XXYLT1: variants seen among roughly 807,000 people sequenced by gnomAD.
The protein encoded by XXYLT1 is xyloside xylosyltransferase 1.
XXYLT1 carries 20 observed loss-of-function variants against 28.9 expected under a neutral mutation model. The ratio of observed to expected loss-of-function variants is 0.69; its 90% confidence interval spans 0.49 to 1.00. The LOEUF (loss-of-function observed/expected upper bound fraction) is 1.00. Among genes scored for constraint, XXYLT1 ranks in the 50% least tolerant of loss-of-function variants. The probability of loss-of-function intolerance (pLI) is 0.00; values close to 1 mark genes in which losing one functional copy is unlikely to be tolerated. For synonymous variants in XXYLT1, 257 were observed against 253.8 expected (o/e 1.01, Z -0.12); for missense variants, 542 against 560.1 (o/e 0.97, Z 0.33).
intron 3 of XXYLT1, among the ~76,000 whole-genome samples, chr3:195,106,721 G>A (rs1350624524): frequency 1.3e-5 from 2 of 152,232 alleles, no homozygotes; most frequent in Admixed American, 6.5e-5. Flanking sequence ...GTCATCAGGA[G>A]CCAAGTCCTC....
Position 195,270,940 on chromosome 3 carries a change from T to C in XXYLT1, c.119A>G (p.Tyr40Cys). 5.4e-6 allele frequency: 8 copies of C among 1,486,470 alleles called. No individual in the cohort carries two copies. Among genetic ancestry groups the C allele is most frequent in the Non-Finnish European group, 7.1e-6 (8 of 1,120,846 alleles). The allele number at this position is 1,486,470 out of a possible 1,614,324, so 92.1% of individuals were successfully genotyped here. The part of the protein sequence containing the change: ...AAALAVCAFY[Y>C]LGSGRETFSS... ...GAAGGTCTCCCGGCCTGAGCCGAGG[T>C]AGTAGAAGGCGCAGACGGCCAGCGC... The change falls in exon 1 of 4, where the codon TAC becomes TGC. Residue 40 changes from tyrosine (Y) to cysteine (C), a missense_variant. Tyr to Cys is a radical substitution (Grantham distance 194). Coordinates refer to ENST00000310380, the MANE Select transcript of XXYLT1 (RefSeq NM_152531.5).
chr3:195,172,325 G>C (rs1354954393), intron 2 of XXYLT1, among the ~76,000 whole-genome samples: 2 of 152,164 alleles, frequency 1.3e-5, no homozygotes, highest in East Asian at 3.8e-4. Flanking sequence ...TTTCGCTCAG[G>C]AGGAAAAACA....
At chr3:195,216,530 A>T (rs1723582683) in intron 2 of XXYLT1, among the ~76,000 whole-genome samples, 2 of 148,732 alleles carry the variant, frequency 1.3e-5, no homozygotes, top group Non-Finnish European at 3.0e-5. Flanking sequence ...AATACTACAA[A>T]CACCTCTACG....
chr3:195,096,179 C>T (rs1467076026), intron 3 of XXYLT1: 2 of 152,236 alleles, frequency 1.3e-5, no homozygotes, highest in African/African-American at 4.8e-5. Flanking sequence ...CAGAAAAGTA[C>T]ACTGTCTCAA....
In XXYLT1 at chr3:195,110,858, A is replaced by AGT. The variant is rs571994587; in HGVS notation, c.786-40749_786-40748dup. 0.017 allele frequency among the ~76,000 whole-genome samples: 197 copies of AGT among 11,896 alleles called. 10 individuals carry two copies. The South Asian group carries it at 0.25, about 15-fold the overall frequency. The allele number at this position is 11,896 out of a possible 152,430, so 7.8% of individuals were successfully genotyped here. A position where few individuals can be genotyped will look rare whatever the true frequency, so the allele number is the denominator to read the frequency against. ...TGTGGTGTGTTGTGTGTGTTGTATAAGTGTGTGTGTGGTGTGTGGTGTATG... is the reference window on the plus strand; with the variant it reads ...TGTGGTGTGTTGTGTGTGTTGTATAAGTGTGTGTGTGTGGTGTGTGGTGTATG... On this transcript the variant is annotated intron_variant, in intron 3 of 3. Transcript: ENST00000310380.
chr3:195,150,870 TCTCTCC>T lies in XXYLT1; in HGVS notation c.785+5573_785+5578del, dbSNP rs149849737. Among the ~76,000 whole-genome samples, 191 of 86,990 alleles carry T rather than the reference TCTCTCC, an allele frequency of 2.2e-3. 1 individual carries two copies. In the East Asian group the frequency reaches 0.07, roughly 32 times the overall value. 57.1% of individuals were successfully genotyped at this position (86,990 alleles called of 152,430 possible). A position where few individuals can be genotyped will look rare whatever the true frequency, so the allele number is the denominator to read the frequency against. On this transcript the variant is annotated intron_variant, in intron 3 of 3. Transcript: ENST00000310380. This position sits in a 1 kb window ranked among gnomAD's most constrained non-coding sequence, Gnocchi z 4.7. Reference sequence around the variant, plus strand: ...CACACACTCTCACACACACACACACTCTCTCCCTCTCCCTCTCCCTCTCTCTCTCTC... The same window carrying T: ...CACACACTCTCACACACACACACACTCTCTCCCTCTCCCTCTCTCTCTCTC...
intron 2 of XXYLT1, among the ~76,000 whole-genome samples, chr3:195,160,306 T>C (rs1205970556): frequency 6.6e-6 from 1 of 152,210 alleles, no homozygotes; most frequent in African/African-American, 2.4e-5. Flanking sequence ...AGGTGAACCA[T>C]GCAAGCGCCT....
At chr3:195,165,946 C>T (rs890344196) in intron 2 of XXYLT1, among the ~76,000 whole-genome samples, 2 of 152,272 alleles carry the variant, frequency 1.3e-5, no homozygotes, top group African/African-American at 4.8e-5. Flanking sequence ...CTAGCTGCCT[C>T]CTCCCTGACA....
chr3:195,128,129 A>G (rs1395189888), intron 3 of XXYLT1, among the ~76,000 whole-genome samples: 1 of 152,148 alleles, frequency 6.6e-6, no homozygotes, highest in African/African-American at 2.4e-5. Flanking sequence ...CACTGGTGGG[A>G]GGCAGACTCA....
At chr3:195,230,043 T>C (rs1394054360) in intron 1 of XXYLT1, among the ~76,000 whole-genome samples, 5 of 152,220 alleles carry the variant, frequency 3.3e-5, no homozygotes, top group Non-Finnish European at 7.3e-5. Flanking sequence ...CACCAGCATT[T>C]GTTACTGCCT....
Position 195,115,256 on chromosome 3 carries a change from G to A in XXYLT1, c.785+41193C>T, listed in dbSNP as rs752386808. On this transcript the variant is annotated intron_variant, in intron 3 of 3. Coordinates refer to ENST00000310380, the MANE Select transcript of XXYLT1 (RefSeq NM_152531.5). The surrounding 1 kb of genome is among the most constrained non-coding windows in gnomAD (Gnocchi z 4.2). ...GTCCCAGTCACCTTGAACCCAGGTC[G>A]TGCTGCCGCTTCCTGAGTACCAGAA... 5.3e-5 allele frequency among the ~76,000 whole-genome samples: 8 copies of A among 152,270 alleles called. No homozygotes were observed. The highest frequency in any genetic ancestry group is 1.9e-4 in the East Asian group (1 of 5,182).
intron 3 of XXYLT1, among the ~76,000 whole-genome samples, chr3:195,117,114 TACACACAC>T (rs10633458): frequency 0.2 from 29,716 of 148,658 alleles, 2,957 homozygotes; most frequent in East Asian, 0.35. Flanking sequence ...ATATAGTGTA[TACACACAC>T]ACACACACAC....
chr3:195,166,555 C>T (rs147508245), intron 2 of XXYLT1, among the ~76,000 whole-genome samples: 300 of 152,294 alleles, frequency 2.0e-3, no homozygotes, highest in South Asian at 5.6e-3. Context: ...TGTCCAAAAA[C>T]AAAAACACAG....
intron 3 of XXYLT1, among the ~76,000 whole-genome samples, chr3:195,138,445 G>A (rs1047448589): frequency 5.3e-5 from 8 of 152,170 alleles, no homozygotes; most frequent in African/African-American, 1.7e-4. Context: ...CATGGGAAGC[G>A]TCTGTCCTCC....
At chr3:195,190,683 T>C (rs2108751118) in intron 2 of XXYLT1, among the ~76,000 whole-genome samples, 1 of 152,044 alleles carries the variant, frequency 6.6e-6, no homozygotes, top group African/African-American at 2.4e-5. Flanking sequence ...TAAGTTTGGA[T>C]AAAGCATAAA....
At chr3:195,218,374 G>C (rs1723667865) in intron 2 of XXYLT1, among the ~76,000 whole-genome samples, 1 of 151,998 alleles carries the variant, frequency 6.6e-6, no homozygotes, top group Non-Finnish European at 1.5e-5. Flanking sequence ...AGAGTGAACA[G>C]GCAACCTACA....
intron 2 of XXYLT1, among the ~76,000 whole-genome samples, chr3:195,159,609 G>C (rs1720769362): frequency 2.0e-5 from 3 of 152,166 alleles, no homozygotes; most frequent in African/African-American, 7.2e-5. Context: ...CAAGCTAAAG[G>C]TGTAGCTTTC....
rs2108632508 is a variant in XXYLT1 at position 195,069,638 on chromosome 3, C to T, written c.*77G>A. The T allele has an allele frequency of 6.6e-7, 1 of 1,516,840 alleles. No homozygotes were observed. 94.0% of individuals were successfully genotyped at this position (1,516,840 alleles called of 1,614,324 possible). On this transcript the variant is annotated 3_prime_UTR_variant, in exon 4 of 4. Coordinates refer to ENST00000310380, the MANE Select transcript of XXYLT1 (RefSeq NM_152531.5). ...CGGTGTCTCTCTAGCGGGTCAGACA[C>T]TGCCCTTGGGTCTGTCCCAAGGAAC...
At chr3:195,242,534 G>GA (rs1724823475) in intron 1 of XXYLT1, among the ~76,000 whole-genome samples, 2 of 152,162 alleles carry the variant, frequency 1.3e-5, no homozygotes, top group Admixed American at 1.3e-4. Flanking sequence ...TAATAGGCAA[G>GA]AAAGAAGGAA....
Sources: allele counts gnomAD v4.1 joint callset (sites outside exome capture counted in the v4.1 genomes callset), GRCh38; gene constraint gnomAD v4.1.1; non-coding constraint Gnocchi (gnomAD v3.1); transcripts MANE v1.5; gene names NCBI Gene and HGNC (gene_info 2026-07-23, HGNC 2026-07-21).